RAB27B: variants seen among roughly 807,000 people sequenced by gnomAD.
The protein encoded by RAB27B is ras-related protein Rab-27B.
Under a neutral mutation model 24.6 loss-of-function variants are expected in RAB27B, and 15 were observed. That is an observed-to-expected ratio of 0.61 (90% CI 0.41 to 0.94). The LOEUF is 0.94. RAB27B is among the 40% of genes least tolerant of loss of function. The pLI is 0.00. For missense variants in RAB27B, 261 were observed against 266.8 expected (o/e 0.98, Z 0.15); for synonymous variants, 105 against 92.5 (o/e 1.14, Z -0.78).
chr18:54,815,592 G>A (rs1910096527), intron 2 of RAB27B, among the ~76,000 whole-genome samples: 1 of 152,084 alleles, frequency 6.6e-6, no homozygotes, highest in African/African-American at 2.4e-5. Context: ...AATCTTCAAG[G>A]AGCATCATTT....
At chr18:54,854,004 C>A (rs1261075114) in intron 1 of RAB27B, among the ~76,000 whole-genome samples, 1 of 152,102 alleles carries the variant, frequency 6.6e-6, no homozygotes, top group East Asian at 1.9e-4. Context: ...TACTCCCCAC[C>A]ATTTACTGCA....
chr18:54,846,919 C>T (rs576726456), intron 1 of RAB27B, among the ~76,000 whole-genome samples: 58 of 151,904 alleles, frequency 3.8e-4, no homozygotes, highest in Middle Eastern at 3.4e-3. Context: ...GGTGTGATCT[C>T]GGCTCACTGC....
Position 54,764,867 on chromosome 18 carries a change from A to T in RAB27B, c.-20+46726A>T, listed in dbSNP as rs1012970257. 1.3e-5 allele frequency among the ~76,000 whole-genome samples: 2 copies of T among 152,160 alleles called. 1 individual carries two copies. Among genetic ancestry groups the T allele is most frequent in the Admixed American group, 1.3e-4 (2 of 15,266 alleles). On this transcript the variant is annotated intron_variant, in intron 2 of 4. Transcript: ENST00000586570. Reference sequence around the variant, plus strand: ...CGCATGCTGTCTGTGGCATCTCACAATTGAACTCCCACCAAACATCACCAA... The same window carrying T: ...CGCATGCTGTCTGTGGCATCTCACATTTGAACTCCCACCAAACATCACCAA...
At chr18:54,804,708 A>G (rs1440822705) in intron 2 of RAB27B, among the ~76,000 whole-genome samples, 1 of 152,166 alleles carries the variant, frequency 6.6e-6, no homozygotes. Flanking sequence ...ACTGGAGTTG[A>G]ATCCTTTTGC....
intron 1 of RAB27B, among the ~76,000 whole-genome samples, chr18:54,871,064 T>C (rs1225583362): frequency 6.6e-6 from 1 of 152,242 alleles, no homozygotes; most frequent in Non-Finnish European, 1.5e-5. Flanking sequence ...GAAAAAGTAA[T>C]TTTTTGGTTG....
intron 2 of RAB27B, among the ~76,000 whole-genome samples, chr18:54,781,272 G>T (rs1209887621): frequency 2.0e-5 from 3 of 152,080 alleles, no homozygotes; most frequent in African/African-American, 7.2e-5. Flanking sequence ...TGGCCTTTCT[G>T]CTTGGGTTCT....
intron 2 of RAB27B, among the ~76,000 whole-genome samples, chr18:54,752,271 G>C (rs1027755659): frequency 6.6e-6 from 1 of 152,142 alleles, no homozygotes; most frequent in Non-Finnish European, 1.5e-5. Context: ...AGGCTTATGG[G>C]TGGTGACTCT....
At chr18:54,727,287 T>C (rs1909568776) in intron 2 of RAB27B, among the ~76,000 whole-genome samples, 1 of 152,082 alleles carries the variant, frequency 6.6e-6, no homozygotes, top group Non-Finnish European at 1.5e-5. Flanking sequence ...AATTTATATA[T>C]ATATATATTT....
At chr18:54,729,936 G>A (rs781367006) in intron 2 of RAB27B, among the ~76,000 whole-genome samples, 4 of 152,058 alleles carry the variant, frequency 2.6e-5, no homozygotes, top group Non-Finnish European at 2.9e-5. Flanking sequence ...AATGACTCTC[G>A]AAGAGTTCTA....
chr18:54,807,294 T>C (rs530279314), intron 2 of RAB27B, among the ~76,000 whole-genome samples: 1 of 152,344 alleles, frequency 6.6e-6, no homozygotes, highest in African/African-American at 2.4e-5. Flanking sequence ...CTCTGAGGTA[T>C]CACCATCACA....
At chr18:54,875,769 T>G (rs1466848273) in intron 1 of RAB27B, among the ~76,000 whole-genome samples, 2 of 152,198 alleles carry the variant, frequency 1.3e-5, no homozygotes, top group Non-Finnish European at 2.9e-5. Context: ...TGATACTGGA[T>G]TATTTGATGA....
intron 2 of RAB27B, among the ~76,000 whole-genome samples, chr18:54,740,851 T>C (rs561662821): frequency 1.7e-4 from 26 of 152,252 alleles, no homozygotes; most frequent in African/African-American, 6.3e-4. Flanking sequence ...GATAGATAGA[T>C]AATATAAAGA....
chr18:54,885,598 T>C (rs1913101695), intron 4 of RAB27B, among the ~76,000 whole-genome samples: 1 of 152,114 alleles, frequency 6.6e-6, no homozygotes, highest in East Asian at 1.9e-4. Context: ...ACCTCTTGAC[T>C]GACCACTCCA....
At position 54,795,368 on chromosome 18, in the gene RAB27B, C is replaced by T. The variant is rs113292896; in HGVS notation, c.-20+77227C>T. On this transcript the variant is annotated intron_variant, in intron 2 of 4. Coordinates refer to the RAB27B transcript ENST00000586570. ...ATGCCAAGGGTTTGATCTAGGTCCT[C>T]GCCACACAGAAAGCCAATCACTGAG... Among the ~76,000 whole-genome samples, 780 of 152,254 alleles carry T rather than the reference C, an allele frequency of 5.1e-3. 1 individual carries two copies. The highest frequency in any genetic ancestry group is 0.018 in the African/African-American group (747 of 41,552).
intron 1 of RAB27B, among the ~76,000 whole-genome samples, chr18:54,876,129 C>T (rs982889293): frequency 6.6e-6 from 1 of 151,692 alleles, no homozygotes; most frequent in African/African-American, 2.4e-5. Flanking sequence ...ACAAGGCAGC[C>T]GGAGAGAGAG....
chr18:54,841,493 C>G (rs940228338), intron 1 of RAB27B, among the ~76,000 whole-genome samples: 2 of 152,092 alleles, frequency 1.3e-5, no homozygotes, highest in Admixed American at 6.5e-5. Flanking sequence ...AACCAATCCC[C>G]GATGAACACT....
chr18:54,820,236 A>C (rs1451278665), intron 2 of RAB27B, among the ~76,000 whole-genome samples: 1 of 152,170 alleles, frequency 6.6e-6, no homozygotes. Flanking sequence ...AGTCCCACCA[A>C]CAGTGTAAAA....
At chr18:54,748,858 T>A (rs890398200) in intron 2 of RAB27B, among the ~76,000 whole-genome samples, 1 of 152,192 alleles carries the variant, frequency 6.6e-6, no homozygotes, top group African/African-American at 2.4e-5. Flanking sequence ...AAAGAGGAAC[T>A]AAATGGTTGA....
intron 2 of RAB27B, among the ~76,000 whole-genome samples, chr18:54,724,842 A>G (rs1045676497): frequency 6.6e-6 from 1 of 151,690 alleles, no homozygotes; most frequent in African/African-American, 2.4e-5. Flanking sequence ...AGAAGTTTCA[A>G]ACTTTTTCAA....
Sources: allele counts gnomAD v4.1 joint callset (sites outside exome capture counted in the v4.1 genomes callset), GRCh38; gene constraint gnomAD v4.1.1; transcripts MANE v1.5; gene names NCBI Gene and HGNC (gene_info 2026-07-23, HGNC 2026-07-21).